The following PPP1R12A variants were observed in gnomAD, a reference collection of about 807,000 sequenced individuals.
The protein encoded by PPP1R12A is myosin binding subunit.
In PPP1R12A, 19 loss-of-function variants were observed where a neutral mutation model predicts 139.6. The observed-to-expected ratio is 0.14, with a 90% CI of 0.09 to 0.20. The LOEUF (loss-of-function observed/expected upper bound fraction) is 0.20. PPP1R12A is among the 10% of genes least tolerant of loss of function. The pLI is 1.00. For missense variants in PPP1R12A, 925 were observed against 1,211.5 expected (o/e 0.76, Z 3.51); for synonymous variants, 427 against 420.6 (o/e 1.02, Z -0.19).
At chr12:79,910,957 A>G (rs1886516890) in intron 1 of PPP1R12A, among the ~76,000 whole-genome samples, 1 of 152,150 alleles carries the variant, frequency 6.6e-6, no homozygotes, top group South Asian at 2.1e-4. Flanking sequence ...AACCCCCATA[A>G]CTTCTTCAGT....
intron 15 of PPP1R12A, among the ~76,000 whole-genome samples, chr12:79,797,812 G>C (rs1344277014): frequency 6.6e-6 from 1 of 152,118 alleles, no homozygotes; most frequent in African/African-American, 2.4e-5. Context: ...GAACAGGTTA[G>C]ATTTCAAGAA....
chr12:79,866,699 C>T (rs930793235), intron 2 of PPP1R12A, among the ~76,000 whole-genome samples: 2 of 152,140 alleles, frequency 1.3e-5, no homozygotes, highest in Non-Finnish European at 1.5e-5. Context: ...ATTTATGCAG[C>T]CAACAGACAT....
chr12:79,795,174 C>G (rs1044650737), intron 18 of PPP1R12A, among the ~76,000 whole-genome samples: 7 of 152,094 alleles, frequency 4.6e-5, no homozygotes, highest in Admixed American at 2.0e-4. Context: ...GGCCTACAAT[C>G]AAGGACCAGG....
intron 21 of PPP1R12A, chr12:79,787,603 C>A (rs1871283988): frequency 6.6e-6 from 1 of 152,352 alleles, no homozygotes; most frequent in Non-Finnish European, 1.5e-5. Flanking sequence ...CCTCTGCCTC[C>A]TGGGTTCATG....
chr12:79,873,941 T>G (rs762769102), intron 1 of PPP1R12A, among the ~76,000 whole-genome samples: 1 of 152,160 alleles, frequency 6.6e-6, no homozygotes, highest in Non-Finnish European at 1.5e-5. Context: ...TTTTGGGAGA[T>G]CTTTTCTTGC....
At chr12:79,935,396 G>A (rs980246283), upstream of PPP1R12A, 4 of 992,850 alleles carry the variant, frequency 4.0e-6, no homozygotes, top group African/African-American at 7.0e-5. Context: ...CTGTCGGGCT[G>A]GGGGCTCCCG....
At chr12:79,867,790 CAGTG>C (rs1592740219) in intron 2 of PPP1R12A, among the ~76,000 whole-genome samples, 1 of 152,206 alleles carries the variant, frequency 6.6e-6, no homozygotes, top group East Asian at 1.9e-4. Context: ...GTTCTTGTGA[CAGTG>C]AGTGAGTTCT....
Position 79,776,020 on chromosome 12 carries a change from A to G in PPP1R12A, c.3007-5T>C. 1 of 1,554,176 alleles carries G rather than the reference A, an allele frequency of 6.4e-7. No homozygotes were observed. Among genetic ancestry groups the G allele is most frequent in the Non-Finnish European group, 8.7e-7 (1 of 1,144,444 alleles). ...TGCTTTTAGGTCTGGTAACATCTATAAAGAGAAAAATTGAAGATCAAGTTT... is the reference window on the plus strand; with the variant it reads ...TGCTTTTAGGTCTGGTAACATCTATGAAGAGAAAAATTGAAGATCAAGTTT... On this transcript the variant is annotated splice_polypyrimidine_tract_variant and splice_region_variant and intron_variant, in intron 24 of 24. Transcript: ENST00000450142.
chr12:79,933,191 C>T (rs1053635767), intron 1 of PPP1R12A, among the ~76,000 whole-genome samples: 1 of 152,210 alleles, frequency 6.6e-6, no homozygotes, highest in African/African-American at 2.4e-5. Flanking sequence ...GCTAGACACC[C>T]TGCTATATTT....
chr12:79,872,714 TATA>T, intron 2 of PPP1R12A, 91 bp downstream of exon 2: 1 of 1,312,542 alleles, frequency 7.6e-7, no homozygotes. Flanking sequence ...ATTAAAGTAA[TATA>T]AGAGTTCACT....
Position 79,774,478 on chromosome 12 carries a change from A to AATTT in PPP1R12A, c.*1447_*1450dup, listed in dbSNP as rs1455970544. ...AGCTACTATAAGCTTTACAATGTACAATTTATTCAAATGGCTGAACTGTTC... is the reference window on the plus strand; with the variant it reads ...AGCTACTATAAGCTTTACAATGTACAATTTATTTATTCAAATGGCTGAACTGTTC... On this transcript the variant is annotated 3_prime_UTR_variant, in exon 25 of 25. Coordinates refer to ENST00000450142, the MANE Select transcript of PPP1R12A (RefSeq NM_002480.3). The AATTT allele has an allele frequency of 6.6e-6, 1 of 152,608 alleles. No homozygotes were observed. The highest frequency in any genetic ancestry group is 2.4e-5 in the African/African-American group (1 of 41,464). 9.5% of individuals were successfully genotyped at this position (152,608 alleles called of 1,614,324 possible). A position where few individuals can be genotyped will look rare whatever the true frequency, so the allele number is the denominator to read the frequency against.
intron 1 of PPP1R12A, among the ~76,000 whole-genome samples, chr12:79,892,787 C>T (rs189169143): frequency 2.0e-5 from 3 of 152,082 alleles, no homozygotes; most frequent in Non-Finnish European, 2.9e-5. Context: ...TTCCATGAAA[C>T]TACTGAATGG....
intron 1 of PPP1R12A, among the ~76,000 whole-genome samples, chr12:79,910,930 T>C (rs1886514604): frequency 6.6e-6 from 1 of 152,146 alleles, no homozygotes; most frequent in Non-Finnish European, 1.5e-5. Flanking sequence ...AAGATCAATA[T>C]AAATCACTGA....
At chr12:79,861,521 G>C (rs1881308879) in intron 2 of PPP1R12A, among the ~76,000 whole-genome samples, 1 of 152,206 alleles carries the variant, frequency 6.6e-6, no homozygotes, top group African/African-American at 2.4e-5. Context: ...GCCTCACCTG[G>C]GAAGCGCAAG....
chr12:79,903,280 A>G (rs1885807922), intron 1 of PPP1R12A, among the ~76,000 whole-genome samples: 1 of 151,946 alleles, frequency 6.6e-6, no homozygotes, highest in African/African-American at 2.4e-5. Context: ...GTGAAACCCC[A>G]TCTCTACTAA....
chr12:79,812,054 C>G (rs1309359050), intron 9 of PPP1R12A, among the ~76,000 whole-genome samples: 2 of 152,086 alleles, frequency 1.3e-5, no homozygotes, highest in African/African-American at 4.8e-5. Context: ...CTGTTTCAAC[C>G]TTATAATTAC....
chr12:79,894,981 CTAAAA>C (rs1459417048), intron 1 of PPP1R12A, among the ~76,000 whole-genome samples: 7 of 151,994 alleles, frequency 4.6e-5, no homozygotes, highest in Non-Finnish European at 7.4e-5. Flanking sequence ...TTTAAAGAGC[CTAAAA>C]TAAGAGTACA....
chr12:79,778,761 A>C, intron 23 of PPP1R12A, 161 bp from the exon 24 acceptor site: 1 of 429,690 alleles, frequency 2.3e-6, no homozygotes, highest in Non-Finnish European at 4.1e-6. Context: ...CCAAAATTTG[A>C]CAAAAATAAA....
chr12:79,851,456 C>T (rs745695732), intron 2 of PPP1R12A, among the ~76,000 whole-genome samples: 14 of 152,266 alleles, frequency 9.2e-5, no homozygotes, highest in Non-Finnish European at 1.8e-4. Flanking sequence ...TCTATCAGTA[C>T]TTAACAAATG....
Sources: allele counts gnomAD v4.1 joint callset (sites outside exome capture counted in the v4.1 genomes callset), GRCh38; gene constraint gnomAD v4.1.1; transcripts MANE v1.5; gene names NCBI Gene and HGNC (gene_info 2026-07-23, HGNC 2026-07-21).